The following TBCK variants were observed in gnomAD, a reference collection of about 807,000 sequenced individuals.
TBCK encodes TBC1 domain containing kinase.
A neutral mutation model predicts 113.4 loss-of-function variants in TBCK; 99 were observed. The ratio of observed to expected loss-of-function variants is 0.87; its 90% confidence interval spans 0.74 to 1.03. TBCK has a LOEUF of 1.03. TBCK is among the 50% of genes least tolerant of loss of function. The pLI, the probability that TBCK is intolerant of heterozygous loss-of-function variation, is 0.00. For synonymous variants in TBCK, 369 were observed against 370.8 expected (o/e 1.00, Z 0.05); for missense variants, 1,045 against 1,061.3 (o/e 0.98, Z 0.21).
intron 25 of TBCK, among the ~76,000 whole-genome samples, chr4:106,057,727 A>G (rs1219030758): frequency 6.6e-6 from 1 of 151,818 alleles, no homozygotes; most frequent in East Asian, 1.9e-4. Context: ...AGAATTCCTC[A>G]CTTAGATGAA....
chr4:106,255,386 C>T (rs565452908), intron 5 of TBCK, among the ~76,000 whole-genome samples: 19 of 152,262 alleles, frequency 1.2e-4, no homozygotes, highest in Admixed American at 6.5e-4. Context: ...CCAGGCATGG[C>T]GTGGCAAGGG....
At chr4:106,134,178 GA>G (rs924911642) in intron 23 of TBCK, among the ~76,000 whole-genome samples, 58 of 151,986 alleles carry the variant, frequency 3.8e-4, no homozygotes, top group African/African-American at 1.3e-3. Flanking sequence ...AAAACTCTGA[GA>G]TTTTTTTTTA....
chr4:106,081,123 C>T lies in TBCK; in HGVS notation c.2571+14359G>A, dbSNP rs189525476. ...CTAACTGGAATTGCCATCAGTATGG[C>T]GATTCCTCAAAGATCTAGAAGCAAA... On this transcript the variant is annotated intron_variant, in intron 25 of 25. Transcript: ENST00000394708. Among the ~76,000 whole-genome samples the T allele has an allele frequency of 3.3e-5, 5 of 152,240 alleles. No individual in the cohort carries two copies. In the East Asian group the frequency reaches 9.7e-4, roughly 29 times the overall value.
chr4:106,262,104 G>T lies in TBCK; in HGVS notation c.375C>A (p.Asp125Glu). 2.6e-6 allele frequency: 4 copies of T among 1,519,040 alleles called. No homozygotes were observed. Among genetic ancestry groups the T allele is most frequent in the Non-Finnish European group, 3.6e-6 (4 of 1,126,166 alleles). 94.1% of individuals were successfully genotyped at this position (1,519,040 alleles called of 1,614,324 possible). A position where few individuals can be genotyped will look rare whatever the true frequency, so the allele number is the denominator to read the frequency against. The change falls in exon 4 of 26, where the codon GAC (aspartate) becomes GAA (glutamate). Residue 125 changes from aspartate (D) to glutamate (E), a missense_variant. Coordinates refer to ENST00000394708, the MANE Select transcript of TBCK (RefSeq NM_001163435.3). Reference protein sequence around the residue: ...RALSPHNILLDRKGHIKLAKF... With the variant: ...RALSPHNILLERKGHIKLAKF... ...TACATGATTTAACAATTACCTTTCGGTCCAACAGGATATTATGAGGAGACA... is the reference window on the plus strand; with the variant it reads ...TACATGATTTAACAATTACCTTTCGTTCCAACAGGATATTATGAGGAGACA...
At chr4:106,187,119 C>T (rs968562607) in intron 22 of TBCK, among the ~76,000 whole-genome samples, 54 of 151,990 alleles carry the variant, frequency 3.6e-4, no homozygotes, top group African/African-American at 1.2e-3. Context: ...GTACCAGTAC[C>T]GTGCTGTTTT....
At chr4:106,195,964 C>T (rs1193786023) in intron 20 of TBCK, among the ~76,000 whole-genome samples, 1 of 150,728 alleles carries the variant, frequency 6.6e-6, no homozygotes, top group Non-Finnish European at 1.5e-5. Context: ...TTTTGAGGTA[C>T]TCTTAATTGT....
At chr4:106,116,690 A>G (rs1743554758) in intron 23 of TBCK, among the ~76,000 whole-genome samples, 2 of 152,118 alleles carry the variant, frequency 1.3e-5, no homozygotes, top group South Asian at 4.1e-4. Flanking sequence ...CTGTCAGATC[A>G]GTGGTGGAAT....
At chr4:106,184,797 A>G (rs1752822773) in intron 22 of TBCK, among the ~76,000 whole-genome samples, 1 of 152,060 alleles carries the variant, frequency 6.6e-6, no homozygotes, top group Admixed American at 6.6e-5. Flanking sequence ...CTAAGCATCT[A>G]TCATTTCTGT....
At chr4:106,285,462 T>G (rs149366100) in intron 3 of TBCK, among the ~76,000 whole-genome samples, 1 of 152,246 alleles carries the variant, frequency 6.6e-6, no homozygotes, top group East Asian at 1.9e-4. Context: ...TCATTCAATA[T>G]TAAATCGGTC....
chr4:106,304,426 A>G (rs1426187315), intron 2 of TBCK, among the ~76,000 whole-genome samples: 2 of 152,196 alleles, frequency 1.3e-5, no homozygotes, highest in Non-Finnish European at 2.9e-5. Flanking sequence ...TAGTTCATCT[A>G]GACAACAGAT....
At chr4:106,276,454 G>A (rs1213338785) in intron 3 of TBCK, among the ~76,000 whole-genome samples, 1 of 152,220 alleles carries the variant, frequency 6.6e-6, no homozygotes, top group East Asian at 1.9e-4. Flanking sequence ...GCACACACTT[G>A]TAGTCCCAGC....
intron 25 of TBCK, among the ~76,000 whole-genome samples, chr4:106,081,732 T>A (rs541762901): frequency 6.6e-6 from 1 of 152,286 alleles, no homozygotes; most frequent in African/African-American, 2.4e-5. Flanking sequence ...GTATCCAGAA[T>A]CTATAAGAAA....
At chr4:106,276,960 T>C (rs1410340142) in intron 3 of TBCK, among the ~76,000 whole-genome samples, 1 of 151,924 alleles carries the variant, frequency 6.6e-6, no homozygotes, top group African/African-American at 2.4e-5. Context: ...TCTAACAATA[T>C]GTATGTAGAA....
chr4:106,233,208 G>A, intron 16 of TBCK, 144 bp from the exon 17 acceptor site: 2 of 769,218 alleles, frequency 2.6e-6, no homozygotes, highest in Non-Finnish European at 4.0e-6. Context: ...CTAATTTTTT[G>A]AATTTTTTAA....
chr4:106,244,740 T>G lies in TBCK; in HGVS notation c.956A>C (p.Glu319Ala). 3.7e-5 allele frequency: 59 copies of G among 1,593,256 alleles called. No individual in the cohort carries two copies. The highest frequency in any genetic ancestry group is 5.0e-5 in the Non-Finnish European group (58 of 1,167,902). The part of the protein sequence containing the change: ...CKDINNDYLA[E>A]RSIEEVYYLW... ...GTAATACACTTCTTCAATAGATCTT[T>G]CTGCCAGGTAATCATTATTTATATC... is the stretch of plus-strand genomic sequence containing the variant. The change falls in exon 11 of 26, where the codon GAA becomes GCA. Residue 319 changes from glutamate (E) to alanine (A), a missense_variant. By Grantham distance (107) the Glu-to-Ala change is moderately radical. Coordinates refer to ENST00000394708, the MANE Select transcript of TBCK (RefSeq NM_001163435.3).
intron 5 of TBCK, among the ~76,000 whole-genome samples, 186 bp downstream of exon 5, chr4:106,260,251 C>T (rs527764904): frequency 6.6e-5 from 10 of 151,662 alleles, no homozygotes; most frequent in African/African-American, 2.2e-4. Flanking sequence ...TGAACATCAA[C>T]GAGGATGCTG....
chr4:106,097,150 TG>T (rs912641905), intron 24 of TBCK, among the ~76,000 whole-genome samples: 4 of 152,330 alleles, frequency 2.6e-5, no homozygotes, highest in African/African-American at 9.6e-5. Context: ...ATTTATTATT[TG>T]TTTAAAAAAT....
chr4:106,268,898 T>C (rs1163931266), intron 3 of TBCK, among the ~76,000 whole-genome samples: 2 of 152,060 alleles, frequency 1.3e-5, no homozygotes, highest in Non-Finnish European at 2.9e-5. Context: ...CATGTATAAG[T>C]GATAACTAAA....
chr4:106,180,597 T>C (rs918334981), intron 22 of TBCK, among the ~76,000 whole-genome samples: 12 of 152,194 alleles, frequency 7.9e-5, no homozygotes, highest in Non-Finnish European at 1.2e-4. Context: ...TGTGTCCTCA[T>C]TGTTCAACTC....
Sources: gnomAD v4.1 joint callset for allele counts (sites outside exome capture counted in the v4.1 genomes callset) on GRCh38, gnomAD v4.1.1 for gene constraint, MANE v1.5 for transcripts, NCBI Gene and HGNC (gene_info 2026-07-23, HGNC 2026-07-21) for gene names.